CYTH3: variants seen among roughly 807,000 people sequenced by gnomAD.
CYTH3 encodes cytohesin 3, also known as cytohesin-3.
CYTH3 carries 23 observed loss-of-function variants against 55.1 expected under a neutral mutation model. The ratio of observed to expected loss-of-function variants is 0.42; its 90% CI spans 0.30 to 0.59. The LOEUF is 0.59. Among genes scored for constraint, CYTH3 ranks in the 20% least tolerant of loss-of-function variants. The pLI is 0.20. For missense variants in CYTH3, 413 were observed against 524.8 expected (o/e 0.79, Z 2.08); for synonymous variants, 249 against 194.9 (o/e 1.28, Z -2.31).
At chr7:6,257,610 C>G (rs1057266862) in intron 1 of CYTH3, among the ~76,000 whole-genome samples, 2 of 152,082 alleles carry the variant, frequency 1.3e-5, no homozygotes, top group African/African-American at 4.8e-5. Flanking sequence ...GAAAATATAA[C>G]CTAGCCAAGT....
chr7:6,221,804 T>C (rs1014738300), intron 1 of CYTH3, among the ~76,000 whole-genome samples: 1 of 151,698 alleles, frequency 6.6e-6, no homozygotes, highest in Admixed American at 6.6e-5. Context: ...AAAAGGAAAT[T>C]AGCCAGACAT....
At chr7:6,181,128 C>T (rs1783493786) in intron 4 of CYTH3, among the ~76,000 whole-genome samples, 1 of 152,076 alleles carries the variant, frequency 6.6e-6, no homozygotes. Context: ...TCTAGAAAAC[C>T]TTAGCTGTTC....
At chr7:6,258,827 A>T (rs995541439) in intron 1 of CYTH3, among the ~76,000 whole-genome samples, 5 of 152,274 alleles carry the variant, frequency 3.3e-5, no homozygotes, top group African/African-American at 1.2e-4. Flanking sequence ...TAATTCTTGA[A>T]TCAACTATAA....
intron 1 of CYTH3, among the ~76,000 whole-genome samples, chr7:6,233,157 G>A (rs772664215): frequency 6.6e-6 from 1 of 152,090 alleles, no homozygotes; most frequent in East Asian, 1.9e-4. Flanking sequence ...CAACTTTAGT[G>A]ATCACCTAGG....
chr7:6,177,793 G>C, intron 5 of CYTH3, 30 bp downstream of exon 5: 2 of 1,554,048 alleles, frequency 1.3e-6, no homozygotes, highest in Non-Finnish European at 1.8e-6. Flanking sequence ...AGTGGCCCCA[G>C]GTAGGGCTTT....
intron 1 of CYTH3, among the ~76,000 whole-genome samples, chr7:6,239,916 G>A (rs1235433217): frequency 6.6e-6 from 1 of 152,180 alleles, no homozygotes; most frequent in African/African-American, 2.4e-5. Context: ...AATGTCATAA[G>A]GATATACTTT....
chr7:6,269,717 C>A (rs1452494210), intron 1 of CYTH3, among the ~76,000 whole-genome samples: 5 of 152,204 alleles, frequency 3.3e-5, no homozygotes, highest in Non-Finnish European at 7.4e-5. Flanking sequence ...CCCCCACTCG[C>A]TCCTCTTGTA....
chr7:6,177,564 T>C (rs1356491256), intron 5 of CYTH3, among the ~76,000 whole-genome samples: 2 of 152,246 alleles, frequency 1.3e-5, no homozygotes, highest in Non-Finnish European at 2.9e-5. Flanking sequence ...GTCAGTTCTG[T>C]TGTGGCTCCC....
chr7:6,243,112 T>C (rs1036847858), intron 1 of CYTH3, among the ~76,000 whole-genome samples: 1 of 152,144 alleles, frequency 6.6e-6, no homozygotes, highest in Non-Finnish European at 1.5e-5. Context: ...TGGTATTTCT[T>C]CCCCAAAACT....
At chr7:6,174,494 T>A (rs192516014) in intron 5 of CYTH3, among the ~76,000 whole-genome samples, 1 of 152,144 alleles carries the variant, frequency 6.6e-6, no homozygotes, top group East Asian at 1.9e-4. Flanking sequence ...TGTGTCTTTT[T>A]TATTACGGCC....
chr7:6,272,162 C>A (rs909447569), intron 1 of CYTH3, among the ~76,000 whole-genome samples: 1 of 152,194 alleles, frequency 6.6e-6, no homozygotes, highest in African/African-American at 2.4e-5. Flanking sequence ...CGCAAGGTCC[C>A]CCGCCCCAGA....
intron 4 of CYTH3, among the ~76,000 whole-genome samples, chr7:6,183,158 A>C (rs1783550542): frequency 6.6e-6 from 1 of 152,212 alleles, no homozygotes; most frequent in Non-Finnish European, 1.5e-5. Flanking sequence ...ACTGCTAGAC[A>C]CAAGGTCAGG....
intron 5 of CYTH3, among the ~76,000 whole-genome samples, chr7:6,175,545 CT>C (rs1177188782): frequency 2.0e-3 from 178 of 89,006 alleles, no homozygotes; most frequent in Middle Eastern, 7.8e-3. Flanking sequence ...ACACTTTAGT[CT>C]TTTTTTTTTT....
chr7:6,241,977 T>C (rs1779683940), intron 1 of CYTH3, among the ~76,000 whole-genome samples: 1 of 152,132 alleles, frequency 6.6e-6, no homozygotes, highest in African/African-American at 2.4e-5. Flanking sequence ...TTCTAAGAGG[T>C]AGGACAGGGG....
At chr7:6,202,085 G>A (rs746462044) in intron 1 of CYTH3, among the ~76,000 whole-genome samples, 1 of 152,178 alleles carries the variant, frequency 6.6e-6, no homozygotes, top group Non-Finnish European at 1.5e-5. Flanking sequence ...GTTTTCTCTG[G>A]ACTGGCTTTG....
intron 1 of CYTH3, among the ~76,000 whole-genome samples, chr7:6,258,339 C>T (rs1203962123): frequency 2.0e-5 from 3 of 150,810 alleles, no homozygotes; most frequent in Non-Finnish European, 2.9e-5. Context: ...AGAAAAGAAA[C>T]GCAACTCCTC....
At chr7:6,184,049 C>CTTTTTTTTT (rs60634853) in intron 4 of CYTH3, among the ~76,000 whole-genome samples, 4 of 46,400 alleles carry the variant, frequency 8.6e-5, no homozygotes, top group Non-Finnish European at 1.5e-4. Context: ...CCCTCTGTGG[C>CTTTTTTTTT]TTTTTTTTTT....
intron 1 of CYTH3, among the ~76,000 whole-genome samples, chr7:6,236,587 C>G (rs1174143767): frequency 6.6e-6 from 1 of 151,744 alleles, no homozygotes; most frequent in Non-Finnish European, 1.5e-5. Context: ...TAGGCAAATT[C>G]TCGCTCTGTC....
At chr7:6,177,734 G>T (rs924615718) in intron 5 of CYTH3, 89 bp downstream of exon 5, 7 of 1,033,084 alleles carry the variant, frequency 6.8e-6, no homozygotes, top group Non-Finnish European at 1.0e-5. Context: ...CCTTTAGGCT[G>T]TGATGGCCCC....
Sources: gnomAD v4.1 joint callset for allele counts (sites outside exome capture counted in the v4.1 genomes callset) on GRCh38, gnomAD v4.1.1 for gene constraint, MANE v1.5 for transcripts, NCBI Gene and HGNC (gene_info 2026-07-23, HGNC 2026-07-21) for gene names.